PCDH9: variants seen among roughly 807,000 people sequenced by gnomAD.
PCDH9 encodes protocadherin-9.
A neutral mutation model predicts 70.6 loss-of-function variants in PCDH9; 24 were observed. The observed-to-expected ratio is 0.34, with a 90% CI of 0.25 to 0.48. PCDH9 has a LOEUF of 0.48. Ranked by LOEUF, PCDH9 falls within the 20% of genes least tolerant of loss-of-function variation. The pLI is 0.99. For missense variants in PCDH9, 1,281 were observed against 1,503.6 expected, an observed-to-expected ratio of 0.85 and a Z score of 2.45; for synonymous variants, 562 against 558.5, an observed-to-expected ratio of 1.01 and a Z score of -0.09.
chr13:67,206,611 T>C (rs561032270), intron 2 of PCDH9: 1 of 152,170 alleles, frequency 6.6e-6, no homozygotes, highest in Non-Finnish European at 1.5e-5. Flanking sequence ...ATAAATAGTA[T>C]TAAAATAACT....
intron 2 of PCDH9, among the ~76,000 whole-genome samples, chr13:66,942,971 A>T (rs1005615841): frequency 4.0e-5 from 6 of 151,830 alleles, no homozygotes; most frequent in Non-Finnish European, 7.4e-5. Flanking sequence ...GGCCTTCAAT[A>T]TATCACTCTT....
At chr13:66,319,503 G>A (rs1310641568) in intron 4 of PCDH9, among the ~76,000 whole-genome samples, 1 of 151,654 alleles carries the variant, frequency 6.6e-6, no homozygotes, top group African/African-American at 2.4e-5. Flanking sequence ...CAGTGTGCTG[G>A]CATAAAAGAA....
At chr13:66,509,968 G>A (rs9592473) in intron 4 of PCDH9, among the ~76,000 whole-genome samples, 4,797 of 152,212 alleles carry the variant, frequency 0.032, 113 homozygotes, top group Non-Finnish European at 0.05. Flanking sequence ...TTTCACATGC[G>A]CTTTCAAGGT....
At chr13:66,433,195 A>G (rs1354086427) in intron 4 of PCDH9, among the ~76,000 whole-genome samples, 2 of 152,022 alleles carry the variant, frequency 1.3e-5, no homozygotes, top group African/African-American at 4.8e-5. Context: ...ACCAAATTAT[A>G]TGAGACTAAC....
intron 2 of PCDH9, among the ~76,000 whole-genome samples, chr13:66,923,694 A>T (rs547900229): frequency 2.0e-5 from 3 of 151,864 alleles, no homozygotes; most frequent in African/African-American, 7.2e-5. Flanking sequence ...GCTTAATGTC[A>T]CAAAGCCAAT....
At chr13:66,806,108 A>C (rs978778559) in intron 3 of PCDH9, among the ~76,000 whole-genome samples, 24 of 152,142 alleles carry the variant, frequency 1.6e-4, no homozygotes, top group Non-Finnish European at 2.9e-5. Context: ...GTTTGTGTGA[A>C]TAGATCTACA....
chr13:66,693,063 G>A (rs1044657483), intron 3 of PCDH9, among the ~76,000 whole-genome samples: 5 of 152,054 alleles, frequency 3.3e-5, no homozygotes, highest in African/African-American at 9.7e-5. Flanking sequence ...AAGATTCATG[G>A]TAGTATATGA....
At chr13:67,078,225 A>C (rs981021306) in intron 2 of PCDH9, among the ~76,000 whole-genome samples, 2 of 152,136 alleles carry the variant, frequency 1.3e-5, no homozygotes, top group Admixed American at 1.3e-4. Flanking sequence ...TGAGTGTCCA[A>C]GGAATTCGTG....
chr13:66,906,063 T>C (rs1231091486), intron 2 of PCDH9, among the ~76,000 whole-genome samples: 2 of 152,194 alleles, frequency 1.3e-5, no homozygotes, highest in Admixed American at 1.3e-4. Flanking sequence ...ATTTAATATC[T>C]GTAATACTCT....
In PCDH9 at chr13:66,709,611, G is replaced by A. The variant is rs79396526; in HGVS notation, c.3139-78200C>T. ...CAACAAATAAGCAAACACCAAATCC[G>A]TCTTCTGGTGCCTGAAAATGTCACT... On this transcript the variant is annotated intron_variant, in intron 3 of 4. Transcript: ENST00000377865. 7.6e-3 allele frequency among the ~76,000 whole-genome samples: 1,150 copies of A among 152,246 alleles called. 6 individuals carry two copies. The highest frequency in any genetic ancestry group is 0.012 in the Non-Finnish European group (810 of 67,996).
intron 4 of PCDH9, among the ~76,000 whole-genome samples, chr13:66,621,754 T>A (rs1273348821): frequency 6.6e-6 from 1 of 152,192 alleles, no homozygotes; most frequent in Non-Finnish European, 1.5e-5. Context: ...TCTCACAAGT[T>A]ATTTATCCTA....
At chr13:66,491,449 T>G (rs959014927) in intron 4 of PCDH9, among the ~76,000 whole-genome samples, 1 of 137,128 alleles carries the variant, frequency 7.3e-6, no homozygotes, top group East Asian at 2.4e-4. Context: ...TCAGTGAATA[T>G]GTAGTGAGGA....
chr13:67,054,120 A>T (rs1397109559), intron 2 of PCDH9, among the ~76,000 whole-genome samples: 1 of 152,174 alleles, frequency 6.6e-6, no homozygotes, highest in African/African-American at 2.4e-5. Context: ...AAAGGAAGGG[A>T]CAAACCATTA....
intron 3 of PCDH9, among the ~76,000 whole-genome samples, chr13:66,845,986 G>A (rs2081200853): frequency 6.6e-6 from 1 of 151,918 alleles, no homozygotes; most frequent in African/African-American, 2.4e-5. Context: ...CTTCAAGTGG[G>A]GATCAGTACA....
chr13:66,349,851 C>T (rs761945860), intron 4 of PCDH9, among the ~76,000 whole-genome samples: 3 of 152,090 alleles, frequency 2.0e-5, no homozygotes, highest in South Asian at 2.1e-4. Flanking sequence ...TACTACTATG[C>T]GAGCACATCT....
intron 3 of PCDH9, among the ~76,000 whole-genome samples, chr13:66,779,837 C>CTA (rs2079961726): frequency 4.1e-5 from 1 of 24,208 alleles, no homozygotes; most frequent in Admixed American, 8.2e-4. Context: ...CTCTCTCTCT[C>CTA]TCTCTCTCTC....
intron 4 of PCDH9, among the ~76,000 whole-genome samples, chr13:66,599,643 C>A (rs1387586297): frequency 6.6e-6 from 1 of 151,450 alleles, no homozygotes; most frequent in Non-Finnish European, 1.5e-5. Flanking sequence ...ACCTCCCAGG[C>A]TCAGGTTAAA....
chr13:66,649,337 G>A (rs2077816939), intron 3 of PCDH9, among the ~76,000 whole-genome samples: 2 of 151,942 alleles, frequency 1.3e-5, no homozygotes. Context: ...ATGAGACAAT[G>A]GAGCTCCAAT....
intron 3 of PCDH9, among the ~76,000 whole-genome samples, chr13:66,680,936 A>G (rs964153175): frequency 6.6e-6 from 1 of 152,116 alleles, no homozygotes; most frequent in Non-Finnish European, 1.5e-5. Flanking sequence ...CATTAATACA[A>G]GGATAAAAGC....
Sources: gnomAD v4.1 joint callset for allele counts (sites outside exome capture counted in the v4.1 genomes callset) on GRCh38, gnomAD v4.1.1 for gene constraint, MANE v1.5 for transcripts, NCBI Gene and HGNC (gene_info 2026-07-23, HGNC 2026-07-21) for gene names.